The following SGCZ variants were observed in gnomAD, a reference collection of about 807,000 sequenced individuals.
SGCZ encodes the protein zeta-sarcoglycan.
Under a neutral mutation model 41.3 loss-of-function variants are expected in SGCZ, and 40 were observed. The ratio of observed to expected loss-of-function variants is 0.97; its 90% CI spans 0.75 to 1.26. The LOEUF (loss-of-function observed/expected upper bound fraction) is 1.26, where lower values mean the gene tolerates loss of function less well. Among genes scored for constraint, SGCZ ranks in the 50% most tolerant of loss-of-function variants. SGCZ has a pLI of 0.00. For missense variants in SGCZ, 552 were observed against 369.8 expected (o/e 1.49, Z -4.04); for synonymous variants, 206 against 137.5 (o/e 1.50, Z -3.49).
chr8:14,599,890 G>A (rs1274027029), intron 1 of SGCZ, among the ~76,000 whole-genome samples: 1 of 151,996 alleles, frequency 6.6e-6, no homozygotes, highest in Non-Finnish European at 1.5e-5. Context: ...ATTATCTTCA[G>A]TGGCTGCCTT....
At chr8:14,549,320 T>C (rs758994882) in intron 2 of SGCZ, among the ~76,000 whole-genome samples, 50 of 152,182 alleles carry the variant, frequency 3.3e-4, no homozygotes, top group South Asian at 1.5e-3. Flanking sequence ...TTTTTCCTCC[T>C]ATCAGGGGAA....
chr8:14,785,340 G>A (rs1249368433), intron 1 of SGCZ, among the ~76,000 whole-genome samples: 1 of 152,004 alleles, frequency 6.6e-6, no homozygotes, highest in Admixed American at 6.6e-5. Flanking sequence ...GCTAAAGAAT[G>A]TGAAATATTA....
At chr8:15,232,176 T>C (rs1801963410) in intron 1 of SGCZ, among the ~76,000 whole-genome samples, 1 of 152,214 alleles carries the variant, frequency 6.6e-6, no homozygotes, top group South Asian at 2.1e-4. Flanking sequence ...CCAAATTGTA[T>C]TTTAGCTGAA....
chr8:14,445,822 C>G (rs1044125686), intron 2 of SGCZ, among the ~76,000 whole-genome samples: 18 of 152,178 alleles, frequency 1.2e-4, no homozygotes, highest in Non-Finnish European at 2.2e-4. Context: ...CCCTCTGGTT[C>G]TAGCCATGGG....
intron 2 of SGCZ, among the ~76,000 whole-genome samples, chr8:14,356,305 C>G (rs1010829471): frequency 6.6e-6 from 1 of 152,188 alleles, no homozygotes; most frequent in Non-Finnish European, 1.5e-5. Context: ...TTAAGAGCCT[C>G]TGTGTATCAG....
In SGCZ at chr8:14,994,205, C is replaced by A. The variant is rs546566507; in HGVS notation, c.39+243380G>T. ...CTGATCTCCCCACATTTGGTCTCAT[C>A]ATGGGCTGTTACAGAACCATGGGCA... On this transcript the variant is annotated intron_variant, in intron 1 of 7. Transcript: ENST00000382080. Among the ~76,000 whole-genome samples the A allele has an allele frequency of 2.6e-5, 4 of 152,228 alleles. No homozygotes were observed. In the South Asian group the frequency reaches 8.3e-4, roughly 32 times the overall value.
At chr8:15,134,938 T>A (rs1808052070) in intron 1 of SGCZ, among the ~76,000 whole-genome samples, 1 of 151,460 alleles carries the variant, frequency 6.6e-6, no homozygotes, top group Non-Finnish European at 1.5e-5. Flanking sequence ...AGACAATAGT[T>A]TTTCAAGCAA....
At chr8:14,617,689 G>C (rs12547411) in intron 1 of SGCZ, among the ~76,000 whole-genome samples, 23,615 of 152,046 alleles carry the variant, frequency 0.16, 2,264 homozygotes, top group South Asian at 0.22. Flanking sequence ...GAGACGTCAA[G>C]AAAGAGTAGT....
intron 5 of SGCZ, among the ~76,000 whole-genome samples, chr8:14,122,671 C>G (rs1483192698): frequency 2.0e-5 from 3 of 152,130 alleles, no homozygotes; most frequent in Non-Finnish European, 4.4e-5. Context: ...TTTAAAGAGT[C>G]ATAACATCTT....
chr8:14,270,566 G>A (rs1800024055), intron 3 of SGCZ, among the ~76,000 whole-genome samples: 1 of 152,092 alleles, frequency 6.6e-6, no homozygotes, highest in Non-Finnish European at 1.5e-5. Context: ...CTTATTCCCT[G>A]AAGGGATTTA....
chr8:14,500,655 T>C (rs1454060020), intron 2 of SGCZ, among the ~76,000 whole-genome samples: 1 of 152,064 alleles, frequency 6.6e-6, no homozygotes, highest in Non-Finnish European at 1.5e-5. Context: ...TATATACCTG[T>C]ATTATTGACA....
intron 1 of SGCZ, among the ~76,000 whole-genome samples, chr8:15,038,923 A>G (rs191229530): frequency 1.8e-4 from 27 of 152,224 alleles, no homozygotes; most frequent in Non-Finnish European, 2.5e-4. Flanking sequence ...AATTAAAACT[A>G]TAGTAAACTA....
intron 1 of SGCZ, among the ~76,000 whole-genome samples, chr8:14,964,334 T>C (rs1159866410): frequency 1.3e-5 from 2 of 152,218 alleles, no homozygotes; most frequent in African/African-American, 4.8e-5. Flanking sequence ...CAAATTTGAC[T>C]ATTCCTCATG....
chr8:14,289,151 TTTAA>T (rs1321851526), intron 3 of SGCZ, among the ~76,000 whole-genome samples: 5 of 152,254 alleles, frequency 3.3e-5, no homozygotes, highest in East Asian at 1.9e-4. Flanking sequence ...ACAGGGATTC[TTTAA>T]TTATTTTGGA....
At chr8:14,693,354 C>G (rs1443753969) in intron 1 of SGCZ, among the ~76,000 whole-genome samples, 1 of 150,926 alleles carries the variant, frequency 6.6e-6, no homozygotes, top group Non-Finnish European at 1.5e-5. Flanking sequence ...TGCAATGGCA[C>G]GATCTCGGCT....
chr8:14,712,097 C>T (rs1204612391), intron 1 of SGCZ, among the ~76,000 whole-genome samples: 25 of 152,182 alleles, frequency 1.6e-4, no homozygotes, highest in African/African-American at 4.8e-5. Flanking sequence ...GGCGAATCCT[C>T]GTCTCTACTA....
At chr8:14,806,870 A>T (rs1346394418) in intron 1 of SGCZ, among the ~76,000 whole-genome samples, 1 of 151,212 alleles carries the variant, frequency 6.6e-6, no homozygotes, top group African/African-American at 2.4e-5. Context: ...GCACATCAAA[A>T]AGCTTATCCA....
intron 3 of SGCZ, among the ~76,000 whole-genome samples, chr8:14,280,930 C>G (rs538135968): frequency 8.9e-6 from 1 of 112,352 alleles, no homozygotes; most frequent in Non-Finnish European, 1.9e-5. Flanking sequence ...ATCAAACTAC[C>G]GGGTGAATAA....
intron 2 of SGCZ, among the ~76,000 whole-genome samples, chr8:14,551,534 ATATATAT>A (rs1803842269): frequency 1.3e-4 from 1 of 7,838 alleles, no homozygotes; most frequent in Non-Finnish European, 2.2e-4. Flanking sequence ...AATATATATA[ATATATAT>A]AATATATATA....
Sources: allele counts gnomAD v4.1 joint callset (sites outside exome capture counted in the v4.1 genomes callset), GRCh38; gene constraint gnomAD v4.1.1; transcripts MANE v1.5; gene names NCBI Gene and HGNC (gene_info 2026-07-23, HGNC 2026-07-21).